XXYLT1: variants seen among roughly 807,000 people sequenced by gnomAD.
XXYLT1 encodes UDP-xylose:alpha-xyloside alpha-1,3-xylosyltransferase.
Under a neutral mutation model 28.9 loss-of-function variants are expected in XXYLT1, and 20 were observed. The observed-to-expected ratio is 0.69, with a 90% confidence interval of 0.49 to 1.00. The LOEUF is 1.00. Among genes scored for constraint, XXYLT1 ranks in the 50% least tolerant of loss-of-function variants. XXYLT1 has a pLI of 0.00. For synonymous variants in XXYLT1, 257 were observed against 253.8 expected, an observed-to-expected ratio of 1.01 and a Z score of -0.12; for missense variants, 542 against 560.1, an observed-to-expected ratio of 0.97 and a Z score of 0.33.
chr3:195,197,188 G>A (rs980670141), intron 2 of XXYLT1, among the ~76,000 whole-genome samples: 14 of 152,236 alleles, frequency 9.2e-5, no homozygotes, highest in African/African-American at 3.4e-4. Flanking sequence ...TGTAATCCCA[G>A]CACTTTGGGA....
chr3:195,218,500 C>T (rs1373967071), intron 2 of XXYLT1, among the ~76,000 whole-genome samples: 9 of 149,860 alleles, frequency 6.0e-5, no homozygotes, highest in Admixed American at 3.3e-4. Flanking sequence ...AAAAAGTGGG[C>T]GAAGGACATG....
At chr3:195,258,548 G>A (rs1187690784) in intron 1 of XXYLT1, among the ~76,000 whole-genome samples, 1 of 152,200 alleles carries the variant, frequency 6.6e-6, no homozygotes, top group African/African-American at 2.4e-5. Flanking sequence ...AGGCGACTCT[G>A]TCATCTACAC....
At chr3:195,214,252 G>A (rs77036185) in intron 2 of XXYLT1, among the ~76,000 whole-genome samples, 4,620 of 152,222 alleles carry the variant, frequency 0.03, 143 homozygotes, top group East Asian at 0.11. Flanking sequence ...AGCCCCCTCT[G>A]TGCATGGGAC....
chr3:195,102,209 A>T (rs2108678341), intron 3 of XXYLT1, among the ~76,000 whole-genome samples: 1 of 152,352 alleles, frequency 6.6e-6, no homozygotes, highest in Non-Finnish European at 1.5e-5. Flanking sequence ...TGAAATACAC[A>T]GGTAGTGAAA....
At chr3:195,122,731 G>A (rs563504276) in intron 3 of XXYLT1, among the ~76,000 whole-genome samples, 30 of 152,334 alleles carry the variant, frequency 2.0e-4, no homozygotes, top group Admixed American at 5.9e-4. Context: ...TTGACGGCAC[G>A]TAACAAACTC....
chr3:195,121,500 C>A (rs111667167), intron 3 of XXYLT1, among the ~76,000 whole-genome samples: 3,774 of 152,290 alleles, frequency 0.025, 73 homozygotes, highest in Non-Finnish European at 0.035. Context: ...GAATTCAGAG[C>A]CTCTGAAGGC....
chr3:195,170,005 T>G (rs11269712), intron 2 of XXYLT1, among the ~76,000 whole-genome samples: 1 of 184 alleles, frequency 5.4e-3, no homozygotes, highest in Admixed American at 0.071. Context: ...AGCTGGGATT[T>G]CATGCCCGGC....
At chr3:195,259,699 C>G in intron 1 of XXYLT1, 1 of 984,528 alleles carries the variant, frequency 1.0e-6, no homozygotes, top group Non-Finnish European at 1.2e-6. Context: ...CAGGGACAGA[C>G]CCAGCACCAG....
intron 1 of XXYLT1, among the ~76,000 whole-genome samples, chr3:195,267,799 T>C (rs192637271): frequency 2.6e-4 from 40 of 152,178 alleles, no homozygotes; most frequent in African/African-American, 9.6e-4. Context: ...GAAAGCTGAG[T>C]ACCAAGGATG....
intron 3 of XXYLT1, among the ~76,000 whole-genome samples, chr3:195,107,532 G>GAAGGAGGAAGGAGGAAGGAGGAAGGGGA (rs1374706431): frequency 1.6e-4 from 3 of 18,206 alleles, no homozygotes; most frequent in Non-Finnish European, 3.7e-4. Flanking sequence ...GAGGAAGGAG[G>GAAGGAGGAAGGAGGAAGGAGGAAGGGGA]AGGAGGGGGA....
intron 1 of XXYLT1, among the ~76,000 whole-genome samples, chr3:195,227,635 A>G (rs2108803270): frequency 6.6e-6 from 1 of 152,298 alleles, no homozygotes; most frequent in South Asian, 2.1e-4. Context: ...CATCACTATT[A>G]TAGCCTCCAA....
At position 195,172,984 on chromosome 3, in the gene XXYLT1, T is replaced by C. The variant is rs1253898988; in HGVS notation, c.653-16403A>G. On this transcript the variant is annotated intron_variant, in intron 2 of 3. Coordinates refer to ENST00000310380, the MANE Select transcript of XXYLT1 (RefSeq NM_152531.5). ...GGCTAGAGAGCTAGGTGGACACACC[T>C]GATCGGGTGAGGGGCTTTAGGCATT... is the stretch of plus-strand genomic sequence containing the variant. Among the ~76,000 whole-genome samples the C allele has an allele frequency of 2.6e-5, 4 of 152,200 alleles. No individual in the cohort carries two copies. The East Asian group carries it at 5.8e-4, about 22-fold the overall frequency.
chr3:195,215,039 T>G (rs1723507718), intron 2 of XXYLT1: 2 of 150,256 alleles, frequency 1.3e-5, no homozygotes. Flanking sequence ...AGAAAAGAAT[T>G]TTCAACCCAG....
intron 3 of XXYLT1, among the ~76,000 whole-genome samples, chr3:195,120,089 A>C (rs185088474): frequency 6.6e-6 from 1 of 152,208 alleles, no homozygotes; most frequent in Non-Finnish European, 1.5e-5. Context: ...CTCTGAAAAC[A>C]AAAAGCTTAG....
chr3:195,261,718 A>AT (rs1191805203), intron 1 of XXYLT1, among the ~76,000 whole-genome samples: 2 of 152,066 alleles, frequency 1.3e-5, no homozygotes, highest in African/African-American at 4.8e-5. Flanking sequence ...CGGTAAATAT[A>AT]TTAAAAAATA....
chr3:195,134,907 G>C (rs937600946), intron 3 of XXYLT1, among the ~76,000 whole-genome samples: 2 of 151,596 alleles, frequency 1.3e-5, no homozygotes, highest in African/African-American at 4.9e-5. Context: ...AGAGCTATCA[G>C]CTATTTCCAA....
intron 2 of XXYLT1, among the ~76,000 whole-genome samples, chr3:195,201,298 C>G (rs1020217895): frequency 6.6e-6 from 1 of 152,136 alleles, no homozygotes; most frequent in African/African-American, 2.4e-5. Context: ...AGGAAGGGCC[C>G]TTGCTCCCAG....
intron 2 of XXYLT1, among the ~76,000 whole-genome samples, chr3:195,201,352 T>C: frequency 6.6e-6 from 1 of 152,192 alleles, no homozygotes. Context: ...GCACACACTT[T>C]TAACCCTTCT....
At chr3:195,241,043 A>G (rs145031676) in intron 1 of XXYLT1, among the ~76,000 whole-genome samples, 105 of 152,336 alleles carry the variant, frequency 6.9e-4, no homozygotes, top group Middle Eastern at 3.4e-3. Context: ...CTGCCTCCCA[A>G]TTGGAAATGG....
Sources: allele counts gnomAD v4.1 joint callset (sites outside exome capture counted in the v4.1 genomes callset), GRCh38; gene constraint gnomAD v4.1.1; transcripts MANE v1.5; gene names NCBI Gene and HGNC (gene_info 2026-07-23, HGNC 2026-07-21).